Variants in DHX36 observed in about 807,000 individuals in gnomAD.
The protein encoded by DHX36 is ATP-dependent DNA/RNA helicase DHX36.
DHX36 carries 50 observed loss-of-function variants against 139.0 expected under a neutral mutation model. The ratio of observed to expected loss-of-function variants is 0.36; its 90% confidence interval spans 0.29 to 0.46. The LOEUF (loss-of-function observed/expected upper bound fraction) is 0.46, where lower values mean the gene tolerates loss of function less well. DHX36 is among the 20% of genes least tolerant of loss of function. The pLI, the probability that DHX36 is intolerant of heterozygous loss-of-function variation, is 1.00. For missense variants in DHX36, 1,024 were observed against 1,211.3 expected (o/e 0.85, Z 2.29); for synonymous variants, 425 against 401.9 (o/e 1.06, Z -0.69).
At chr3:154,310,670 C>T (rs1271473997) in intron 4 of DHX36, among the ~76,000 whole-genome samples, 1 of 144,522 alleles carries the variant, frequency 6.9e-6, no homozygotes, top group African/African-American at 2.6e-5. Context: ...CCCAGCTACT[C>T]GGGAAGCTGA....
At chr3:154,306,928 T>G (rs577988562) in intron 5 of DHX36, among the ~76,000 whole-genome samples, 2 of 152,130 alleles carry the variant, frequency 1.3e-5, no homozygotes, top group Admixed American at 6.5e-5. Context: ...ACAGACCACA[T>G]TAACCTGTCT....
chr3:154,304,965 A>G lies in DHX36; in HGVS notation c.976T>C (p.Ser326Pro). The G allele has an allele frequency of 6.2e-7, 1 of 1,603,110 alleles. No individual in the cohort carries two copies. The highest frequency in any genetic ancestry group is 1.1e-5 in the South Asian group (1 of 88,610). The stretch of plus-strand genomic sequence containing the variant: ...TCAAGTACGATATGACTAACACTGG[A>G]CAAATACCTAAGGCAGAAGTGTGAA... ...LQWLQSDPYL[S>P]SVSHIVLDEI... Residue 326 changes from serine (S) to proline (P), a missense_variant, in exon 8 of 25, where the codon TCC becomes CCC. By Grantham distance (74) the Ser-to-Pro change is moderately conservative. Coordinates refer to ENST00000496811, the MANE Select transcript of DHX36 (RefSeq NM_020865.3).
At chr3:154,296,162 A>G (rs1207044226) in intron 12 of DHX36, among the ~76,000 whole-genome samples, 1 of 152,192 alleles carries the variant, frequency 6.6e-6, no homozygotes, top group Non-Finnish European at 1.5e-5. Flanking sequence ...GAAAATAATG[A>G]AATAGTCCTT....
At chr3:154,313,449 G>A (rs1712846724) in intron 3 of DHX36, among the ~76,000 whole-genome samples, 1 of 152,146 alleles carries the variant, frequency 6.6e-6, no homozygotes, top group African/African-American at 2.4e-5. Context: ...GGAGGTGGAG[G>A]TAGGAGGATT....
chr3:154,276,421 G>C, intron 24 of DHX36, 65 bp from the exon 25 acceptor site: 1 of 1,428,230 alleles, frequency 7.0e-7, no homozygotes, highest in African/African-American at 1.4e-5. Context: ...CATAATAAAT[G>C]AAACTAATTT....
chr3:154,306,081 C>T lies in DHX36; in HGVS notation c.893+135G>A, dbSNP rs1378969582. The T allele has an allele frequency of 1.0e-4, 62 of 621,648 alleles. No homozygotes were observed. In the South Asian group the frequency reaches 1.2e-3, roughly 12 times the overall value. 38.5% of individuals were successfully genotyped at this position (621,648 alleles called of 1,614,324 possible). On this transcript the variant is annotated intron_variant, in intron 6 of 24. Transcript: ENST00000496811. The stretch of plus-strand genomic sequence containing the variant: ...TAAATTTGTGGCAGCAAGTCATCTA[C>T]GCTGCAGTTACTTTAAATGGTAATT...
At chr3:154,298,518 A>C (rs1167566357) in intron 12 of DHX36, among the ~76,000 whole-genome samples, 2 of 152,274 alleles carry the variant, frequency 1.3e-5, no homozygotes, top group African/African-American at 2.4e-5. Flanking sequence ...AATAATTTTA[A>C]TTACAGAGAA....
At chr3:154,302,115 G>T (rs1206464691) in intron 9 of DHX36, among the ~76,000 whole-genome samples, 1 of 148,602 alleles carries the variant, frequency 6.7e-6, no homozygotes, top group Non-Finnish European at 1.5e-5. Flanking sequence ...ATAGCACAAA[G>T]AGTGCTTCCC....
chr3:154,320,402 G>A (rs1033100953), intron 1 of DHX36, among the ~76,000 whole-genome samples: 1 of 151,512 alleles, frequency 6.6e-6, no homozygotes, highest in Non-Finnish European at 1.5e-5. Context: ...TGATTCCTAT[G>A]CACATTCAAG....
chr3:154,310,825 A>ATATATATATATG (rs1553759637), intron 4 of DHX36, among the ~76,000 whole-genome samples: 4 of 28,636 alleles, frequency 1.4e-4, no homozygotes, highest in African/African-American at 3.6e-4. Flanking sequence ...ATATATATAT[A>ATATATATATATG]TATATATATA....
At chr3:154,292,279 A>T (rs1214033820) in intron 15 of DHX36, among the ~76,000 whole-genome samples, 3 of 148,468 alleles carry the variant, frequency 2.0e-5, no homozygotes, top group Non-Finnish European at 3.1e-5. Flanking sequence ...TATATGCTTT[A>T]AAAAAATGAA....
Position 154,277,946 on chromosome 3 carries a change from G to C in DHX36, c.2568-228C>G, listed in dbSNP as rs1211669304. 1.2e-5 allele frequency: 4 copies of C among 333,410 alleles called. No individual in the cohort carries two copies. In the East Asian group the frequency reaches 2.0e-4, roughly 17 times the overall value. The allele number at this position is 333,410 out of a possible 1,614,324, so 20.7% of individuals were successfully genotyped here. A position where few individuals can be genotyped will look rare whatever the true frequency, so the allele number is the denominator to read the frequency against. The stretch of plus-strand genomic sequence containing the variant: ...ATATATGAAAAAATGCTATCAGTAT[G>C]AATAATTTAAATCATGTAACTAATC... On this transcript the variant is annotated intron_variant, in intron 22 of 24. Transcript: ENST00000496811.
chr3:154,324,443 A>C lies in DHX36; in HGVS notation c.-27T>G. The C allele has an allele frequency of 2.7e-6, 4 of 1,455,306 alleles. No individual in the cohort carries two copies. Among genetic ancestry groups the C allele is most frequent in the Non-Finnish European group, 3.6e-6 (4 of 1,106,362 alleles). The allele number at this position is 1,455,306 out of a possible 1,614,324, so 90.1% of individuals were successfully genotyped here. A position where few individuals can be genotyped will look rare whatever the true frequency, so the allele number is the denominator to read the frequency against. On this transcript the variant is annotated 5_prime_UTR_variant, in exon 1 of 25. Coordinates refer to ENST00000496811, the MANE Select transcript of DHX36 (RefSeq NM_020865.3). ...GTCCTGGCAGACTACAACCCGTCAG[A>C]ACCAGCAACCGCTGGAAATGGCGTC...
Position 154,312,887 on chromosome 3 carries a change from AT to A in DHX36, c.604-1214del, listed in dbSNP as rs1559958781. Among the ~76,000 whole-genome samples, 76 of 116,220 alleles carry A rather than the reference AT, an allele frequency of 6.5e-4. 2 individuals carry two copies. In the South Asian group the frequency reaches 0.01, roughly 15 times the overall value. The allele number at this position is 116,220 out of a possible 152,430, so 76.2% of individuals were successfully genotyped here. A position where few individuals can be genotyped will look rare whatever the true frequency, so the allele number is the denominator to read the frequency against. On this transcript the variant is annotated intron_variant, in intron 3 of 24. Coordinates refer to ENST00000496811, the MANE Select transcript of DHX36 (RefSeq NM_020865.3). ...TATATATATATATATATATATATATATATATATATATATAAAATAAATAAAG... is the reference window on the plus strand; with the variant it reads ...TATATATATATATATATATATATATAATATATATATATAAAATAAATAAAG...
intron 24 of DHX36, 54 bp from the exon 25 acceptor site, chr3:154,276,410 A>T: frequency 6.7e-7 from 1 of 1,499,638 alleles, no homozygotes; most frequent in African/African-American, 1.4e-5. Context: ...TTACCAAATA[A>T]CATAATAAAT....
At chr3:154,306,106 T>TGTAATA (rs1263467197) in intron 6 of DHX36, 110 bp downstream of exon 6, 3 of 777,856 alleles carry the variant, frequency 3.9e-6, no homozygotes, top group Non-Finnish European at 6.3e-6. Flanking sequence ...AAATGGTAAT[T>TGTAATA]GTAATAGTAA....
At position 154,274,088 on chromosome 3, in the gene DHX36, C is replaced by T. The variant is rs1420234756; in HGVS notation, c.*2083G>A. 6.6e-6 allele frequency: 1 copy of T among 152,618 alleles called. No homozygotes were observed. Among genetic ancestry groups the T allele is most frequent in the African/African-American group, 2.4e-5 (1 of 41,444 alleles). The allele number at this position is 152,618 out of a possible 1,614,324, so 9.5% of individuals were successfully genotyped here. A position where few individuals can be genotyped will look rare whatever the true frequency, so the allele number is the denominator to read the frequency against. The stretch of plus-strand genomic sequence containing the variant: ...TTGGGAAGCCAAGGCGGGCAGACTG[C>T]TTGAGCACAGGAGTTTTGAGACCAG... On this transcript the variant is annotated 3_prime_UTR_variant, in exon 25 of 25. Coordinates refer to ENST00000496811, the MANE Select transcript of DHX36 (RefSeq NM_020865.3).
intron 1 of DHX36, 91 bp from the exon 2 acceptor site, chr3:154,316,254 T>C (rs3817166): frequency 0.12 from 186,018 of 1,514,244 alleles, 14,840 homozygotes; most frequent in East Asian, 0.37. Flanking sequence ...GGCTAAGTAA[T>C]ATATGTTCAA....
chr3:154,280,414 T>C, intron 22 of DHX36, 165 bp downstream of exon 22: 2 of 576,902 alleles, frequency 3.5e-6, no homozygotes, highest in East Asian at 2.9e-5. Context: ...GGGAAAGTGA[T>C]ACCAATGGCT....
Sources: gnomAD v4.1 joint callset for allele counts (sites outside exome capture counted in the v4.1 genomes callset) on GRCh38, gnomAD v4.1.1 for gene constraint, MANE v1.5 for transcripts, NCBI Gene and HGNC (gene_info 2026-07-23, HGNC 2026-07-21) for gene names.